The following TMTC4 variants were observed in gnomAD, a reference collection of about 807,000 sequenced individuals.
TMTC4 encodes transmembrane O-mannosyltransferase targeting cadherins 4.
TMTC4 carries 65 observed loss-of-function variants against 86.0 expected under a neutral mutation model. The observed-to-expected ratio is 0.76, with a 90% CI of 0.62 to 0.93. TMTC4 has a LOEUF of 0.93. Ranked by LOEUF, TMTC4 falls within the 40% of genes least tolerant of loss-of-function variation. TMTC4 has a pLI of 0.00. For missense variants in TMTC4, 866 were observed against 948.1 expected, an observed-to-expected ratio of 0.91 and a Z score of 1.14; for synonymous variants, 379 against 382.5, an observed-to-expected ratio of 0.99 and a Z score of 0.11.
intron 15 of TMTC4, among the ~76,000 whole-genome samples, chr13:100,615,211 C>G (rs1200360009): frequency 6.6e-6 from 1 of 151,968 alleles, no homozygotes; most frequent in Non-Finnish European, 1.5e-5. Flanking sequence ...GATCTCGGCT[C>G]ACTGCAACCT....
chr13:100,641,077 G>A (rs1005992969), intron 7 of TMTC4, among the ~76,000 whole-genome samples: 1 of 151,844 alleles, frequency 6.6e-6, no homozygotes, highest in African/African-American at 2.4e-5. Context: ...GGTGGAAGCC[G>A]AGGTACAGTT....
At chr13:100,673,992 T>C (rs1887486304) in intron 1 of TMTC4, 1 of 982,646 alleles carries the variant, frequency 1.0e-6, no homozygotes, top group Non-Finnish European at 1.2e-6. Context: ...TTCCTCTAAC[T>C]CCTCCCTTCT....
At chr13:100,607,919 C>T (rs1025652794) in intron 17 of TMTC4, among the ~76,000 whole-genome samples, 1 of 152,132 alleles carries the variant, frequency 6.6e-6, no homozygotes, top group Non-Finnish European at 1.5e-5. Context: ...GGTCAAGACT[C>T]CGGCCATATC....
At chr13:100,647,445 C>T (rs1342904983) in intron 6 of TMTC4, among the ~76,000 whole-genome samples, 2 of 151,442 alleles carry the variant, frequency 1.3e-5, no homozygotes, top group African/African-American at 2.4e-5. Flanking sequence ...CAAACTGTTA[C>T]CTGAATTTGT....
intron 15 of TMTC4, among the ~76,000 whole-genome samples, chr13:100,617,353 C>T (rs75582360): frequency 0.025 from 3,803 of 152,218 alleles, 128 homozygotes; most frequent in African/African-American, 0.072. Flanking sequence ...CCCAGGCTGG[C>T]TTCAAACTCC....
At chr13:100,625,917 T>G in intron 13 of TMTC4, 25 bp from the exon 14 acceptor site, 1 of 1,608,034 alleles carries the variant, frequency 6.2e-7, no homozygotes. Flanking sequence ...AAAACCAAGC[T>G]GACCATTAAA....
At chr13:100,618,465 T>C (rs1188118157) in intron 15 of TMTC4, among the ~76,000 whole-genome samples, 1 of 151,234 alleles carries the variant, frequency 6.6e-6, no homozygotes, top group African/African-American at 2.4e-5. Context: ...TTTTTTTTTT[T>C]TTTTTAATCT....
At position 100,670,696 on chromosome 13, in the gene TMTC4, C is replaced by G. The variant is rs924975457; in HGVS notation, c.-207-127G>C. 3 of 266,650 alleles carry G rather than the reference C, an allele frequency of 1.1e-5. 1 individual carries two copies. The highest frequency in any genetic ancestry group is 2.5e-4 in the South Asian group (2 of 7,950). 16.5% of individuals were successfully genotyped at this position (266,650 alleles called of 1,614,324 possible). ...GGTTGCAATGGCTCACGCCTGTAATCCCAGCACTTTGGGAGGCCGAGGCCG... is the reference window on the plus strand; with the variant it reads ...GGTTGCAATGGCTCACGCCTGTAATGCCAGCACTTTGGGAGGCCGAGGCCG... On this transcript the variant is annotated intron_variant, in intron 1 of 18. Transcript: ENST00000342624.
chr13:100,656,769 C>T (rs951234160), intron 5 of TMTC4, among the ~76,000 whole-genome samples: 3 of 152,054 alleles, frequency 2.0e-5, no homozygotes, highest in Admixed American at 6.5e-5. Flanking sequence ...GTCTTGAACT[C>T]CTGGGCTCAA....
chr13:100,640,455 A>AGGG (rs1241175640), intron 7 of TMTC4, among the ~76,000 whole-genome samples: 7 of 152,244 alleles, frequency 4.6e-5, no homozygotes, highest in Non-Finnish European at 8.8e-5. Flanking sequence ...TAATCTTAAT[A>AGGG]GATACAACCT....
chr13:100,635,087 G>A lies in TMTC4; in HGVS notation c.1311C>T (p.Ser437=), dbSNP rs1373113941. Residue 437 remains serine (S), a synonymous_variant, in exon 11 of 19, where the codon AGC becomes AGT. Coordinates refer to ENST00000342624, the MANE Select transcript of TMTC4 (RefSeq NM_032813.5). The part of the protein sequence containing the change: ...VVAERVLYLP[S]VGYCVLLTFG... ...AAGTCAGCAGCACACAGTACCCAAC[G>A]CTGGGGAGGTAGAGGACACGCTCTG... The A allele has an allele frequency of 1.9e-6, 3 of 1,613,984 alleles. No individual in the cohort carries two copies. Among genetic ancestry groups the A allele is most frequent in the African/African-American group, 1.3e-5 (1 of 74,898 alleles).
chr13:100,650,888 A>G (rs1884353273), intron 6 of TMTC4, among the ~76,000 whole-genome samples: 1 of 152,260 alleles, frequency 6.6e-6, no homozygotes, highest in Non-Finnish European at 1.5e-5. Context: ...GTCTTTAATC[A>G]GAATGAAAAT....
chr13:100,656,703 CT>C (rs1185873012), intron 5 of TMTC4, among the ~76,000 whole-genome samples: 2 of 151,898 alleles, frequency 1.3e-5, no homozygotes, highest in Non-Finnish European at 2.9e-5. Context: ...ACCACCACAG[CT>C]GGTTAATGTT....
At position 100,605,802 on chromosome 13, in the gene TMTC4, A is replaced by G. The variant is rs185960876; in HGVS notation, c.2134+556T>C. On this transcript the variant is annotated intron_variant, in intron 18 of 18. Coordinates refer to ENST00000342624, the MANE Select transcript of TMTC4 (RefSeq NM_032813.5). This position sits in a 1 kb window ranked among gnomAD's most constrained non-coding sequence, Gnocchi z 4.3. ...TAGAGAACAGCTTTGGTGAAAAAAC[A>G]TTTCTGTGAGCATTCTAAACATCAA... 6.5e-3 allele frequency among the ~76,000 whole-genome samples: 995 copies of G among 152,316 alleles called. 7 individuals carry two copies. Among genetic ancestry groups the G allele is most frequent in the Non-Finnish European group, 9.1e-3 (621 of 68,020 alleles).
chr13:100,628,300 T>C (rs1880851038), intron 12 of TMTC4, among the ~76,000 whole-genome samples: 2 of 152,226 alleles, frequency 1.3e-5, no homozygotes, highest in South Asian at 4.1e-4. Context: ...ACAGGATTTG[T>C]CCATTTGTGT....
At chr13:100,616,952 T>A (rs1391900395) in intron 15 of TMTC4, among the ~76,000 whole-genome samples, 1 of 152,222 alleles carries the variant, frequency 6.6e-6, no homozygotes, top group Non-Finnish European at 1.5e-5. Flanking sequence ...TCTCCCATTC[T>A]GTAGGTCGTC....
chr13:100,658,950 G>A (rs1566633168), intron 5 of TMTC4, among the ~76,000 whole-genome samples: 1 of 152,198 alleles, frequency 6.6e-6, no homozygotes, highest in Non-Finnish European at 1.5e-5. Flanking sequence ...TCCAATCACT[G>A]TTTGAGAATG....
intron 12 of TMTC4, among the ~76,000 whole-genome samples, chr13:100,627,721 G>A (rs1880764684): frequency 6.6e-6 from 1 of 152,172 alleles, no homozygotes; most frequent in Admixed American, 6.5e-5. Flanking sequence ...AGGTCCCAGG[G>A]GTTACGATTT....
intron 6 of TMTC4, among the ~76,000 whole-genome samples, chr13:100,646,088 G>A (rs1233018210): frequency 6.6e-6 from 1 of 152,098 alleles, no homozygotes; most frequent in Non-Finnish European, 1.5e-5. Flanking sequence ...TTAGACTCAG[G>A]CCCCACTGAG....
Sources: allele counts gnomAD v4.1 joint callset (sites outside exome capture counted in the v4.1 genomes callset), GRCh38; gene constraint gnomAD v4.1.1; non-coding constraint Gnocchi (gnomAD v3.1); transcripts MANE v1.5; gene names NCBI Gene and HGNC (gene_info 2026-07-23, HGNC 2026-07-21).